The following CSMD1 variants were observed in gnomAD, a reference collection of about 807,000 sequenced individuals.
CSMD1 encodes CUB and Sushi multiple domains 1, also known as CUB and sushi domain-containing protein 1.
A neutral mutation model predicts 417.5 loss-of-function variants in CSMD1; 213 were observed. The observed-to-expected ratio is 0.51, with a 90% CI of 0.46 to 0.57. The LOEUF (loss-of-function observed/expected upper bound fraction) is 0.57. Ranked by LOEUF, CSMD1 falls within the 20% of genes least tolerant of loss-of-function variation. CSMD1 has a pLI of 0.00. For synonymous variants in CSMD1, 2,862 were observed against 1,736.8 expected, an observed-to-expected ratio of 1.65 and a Z score of -16.11; for missense variants, 6,923 against 4,529.7, an observed-to-expected ratio of 1.53 and a Z score of -15.17.
intron 26 of CSMD1, among the ~76,000 whole-genome samples, chr8:3,254,347 T>G (rs1045923469): frequency 2.0e-5 from 3 of 152,192 alleles, no homozygotes; most frequent in Non-Finnish European, 4.4e-5. Context: ...CTGACAATTA[T>G]GTGTCTTAGA....
intron 6 of CSMD1, among the ~76,000 whole-genome samples, chr8:3,725,079 G>A (rs551796874): frequency 7.0e-4 from 107 of 152,322 alleles, no homozygotes; most frequent in African/African-American, 2.4e-3. Context: ...GAGGTTAAGG[G>A]CCCTCAGCAT....
intron 23 of CSMD1, among the ~76,000 whole-genome samples, chr8:3,308,732 G>GTTTTTTTTTTTTTTTTTTTTTTTTTT (rs5888961): frequency 9.2e-6 from 1 of 108,930 alleles, no homozygotes; most frequent in Non-Finnish European, 1.7e-5. Flanking sequence ...CTACTTACAA[G>GTTTTTTTTTTTTTTTTTTTTTTTTTT]TTTTTTTTTT....
chr8:3,252,304 C>T (rs1320278452), intron 26 of CSMD1, among the ~76,000 whole-genome samples: 1 of 152,186 alleles, frequency 6.6e-6, no homozygotes. Context: ...GCCATTTCTG[C>T]ATCTATTGGG....
At chr8:3,099,349 C>G (rs1815567189) in intron 46 of CSMD1, among the ~76,000 whole-genome samples, 2 of 152,154 alleles carry the variant, frequency 1.3e-5, no homozygotes, top group African/African-American at 4.8e-5. Flanking sequence ...CAGGGTCCCT[C>G]TCCCCCATAT....
intron 3 of CSMD1, among the ~76,000 whole-genome samples, chr8:4,139,672 G>C (rs915926673): frequency 4.0e-5 from 6 of 151,168 alleles, no homozygotes; most frequent in Admixed American, 1.3e-4. Context: ...ATGCCAAACA[G>C]TGCCATTTGC....
intron 7 of CSMD1, among the ~76,000 whole-genome samples, chr8:3,642,654 G>C (rs1282164809): frequency 1.3e-5 from 2 of 152,128 alleles, no homozygotes; most frequent in Non-Finnish European, 2.9e-5. Context: ...ACGGTCGATG[G>C]AGAGATTTCA....
chr8:4,094,574 G>C (rs11136699), intron 3 of CSMD1, among the ~76,000 whole-genome samples: 54,228 of 151,980 alleles, frequency 0.36, 10,477 homozygotes, highest in Non-Finnish European at 0.43. Flanking sequence ...CATGAAAATA[G>C]TAATGGAGCA....
intron 1 of CSMD1, among the ~76,000 whole-genome samples, chr8:4,762,629 T>C (rs78437206): frequency 6.6e-6 from 1 of 152,034 alleles, no homozygotes; most frequent in Non-Finnish European, 1.5e-5. Context: ...CGCATTTGCA[T>C]AGGACGCAGC....
At chr8:4,331,935 C>T (rs1799890434) in intron 3 of CSMD1, among the ~76,000 whole-genome samples, 1 of 152,114 alleles carries the variant, frequency 6.6e-6, no homozygotes, top group Non-Finnish European at 1.5e-5. Flanking sequence ...TTACAGTCTC[C>T]ATGACCATGG....
chr8:3,766,283 G>T (rs1417567734), intron 5 of CSMD1, among the ~76,000 whole-genome samples: 1 of 152,138 alleles, frequency 6.6e-6, no homozygotes, highest in East Asian at 1.9e-4. Flanking sequence ...CTTTCAATGT[G>T]GGAGGACCCT....
chr8:4,274,646 C>G (rs971763344), intron 3 of CSMD1, among the ~76,000 whole-genome samples: 21 of 152,070 alleles, frequency 1.4e-4, no homozygotes, highest in African/African-American at 4.6e-4. Context: ...ATCTATAGGT[C>G]TCCATTAAAT....
intron 1 of CSMD1, among the ~76,000 whole-genome samples, chr8:4,723,160 G>C (rs1386920171): frequency 1.3e-5 from 2 of 152,104 alleles, no homozygotes; most frequent in African/African-American, 4.8e-5. Context: ...AGTGGAAATG[G>C]ATTCTATTAT....
chr8:4,029,113 G>C (rs1385874740), intron 4 of CSMD1, among the ~76,000 whole-genome samples: 1 of 152,120 alleles, frequency 6.6e-6, no homozygotes, highest in Non-Finnish European at 1.5e-5. Context: ...AGGAGTGTTT[G>C]TAATTTTTAA....
At chr8:3,955,048 G>C (rs954873532) in intron 5 of CSMD1, among the ~76,000 whole-genome samples, 4 of 152,314 alleles carry the variant, frequency 2.6e-5, no homozygotes, top group African/African-American at 9.6e-5. Context: ...CATTTTCAAA[G>C]AGGCAATGCG....
At chr8:3,078,969 G>C (rs1156327734) in intron 49 of CSMD1, among the ~76,000 whole-genome samples, 3 of 117,918 alleles carry the variant, frequency 2.5e-5, no homozygotes, top group South Asian at 2.6e-4. Context: ...CCTTCAAAAC[G>C]GGGGGGAGCA....
intron 5 of CSMD1, among the ~76,000 whole-genome samples, chr8:3,879,651 C>T (rs978421443): frequency 3.3e-5 from 5 of 152,176 alleles, no homozygotes; most frequent in African/African-American, 1.2e-4. Flanking sequence ...ACATCTTTTT[C>T]TGTGTAGACA....
At chr8:3,152,391 T>C (rs1220440758) in intron 39 of CSMD1, among the ~76,000 whole-genome samples, 7 of 152,238 alleles carry the variant, frequency 4.6e-5, no homozygotes, top group Non-Finnish European at 8.8e-5. Flanking sequence ...CCACTTCTTT[T>C]CAGGAAGCCC....
At chr8:3,918,718 C>T (rs1809007530) in intron 5 of CSMD1, among the ~76,000 whole-genome samples, 1 of 152,058 alleles carries the variant, frequency 6.6e-6, no homozygotes, top group Non-Finnish European at 1.5e-5. Flanking sequence ...GAATTAATGG[C>T]ATTTGCAGCA....
intron 1 of CSMD1, among the ~76,000 whole-genome samples, chr8:4,693,113 C>CTGGAATCTTCTGAGTGTCAG (rs1233029153): frequency 3.9e-5 from 6 of 152,226 alleles, no homozygotes; most frequent in Non-Finnish European, 8.8e-5. Context: ...CCAGGGCCCA[C>CTGGAATCTTCTGAGTGTCAG]TGGAATCTTC....
Sources: gnomAD v4.1 joint callset for allele counts (sites outside exome capture counted in the v4.1 genomes callset) on GRCh38, gnomAD v4.1.1 for gene constraint, MANE v1.5 for transcripts, NCBI Gene and HGNC (gene_info 2026-07-23, HGNC 2026-07-21) for gene names.